The following DOP1B variants were observed in gnomAD, a reference collection of about 807,000 sequenced individuals.
DOP1B encodes the protein protein DOP1B.
Under a neutral mutation model 233.5 loss-of-function variants are expected in DOP1B, and 174 were observed. The ratio of observed to expected loss-of-function variants is 0.75; its 90% CI spans 0.66 to 0.85. The LOEUF (loss-of-function observed/expected upper bound fraction) is 0.85, where lower values mean the gene tolerates loss of function less well. Ranked by LOEUF, DOP1B falls within the 40% of genes least tolerant of loss-of-function variation. The probability of loss-of-function intolerance (pLI) is 0.00; values close to 1 mark genes in which losing one functional copy is unlikely to be tolerated. For missense variants in DOP1B, 2,652 were observed against 2,846.6 expected (o/e 0.93, Z 1.56); for synonymous variants, 1,190 against 1,185.6 (o/e 1.00, Z -0.08).
At chr21:36,259,603 G>A (rs961635440) in intron 23 of DOP1B, among the ~76,000 whole-genome samples, 3 of 152,142 alleles carry the variant, frequency 2.0e-5, no homozygotes, top group Non-Finnish European at 4.4e-5. Context: ...AATGTTAGGA[G>A]TGGGAATGGT....
At chr21:36,192,799 TGCCTCA>T (rs1432697084) in intron 2 of DOP1B, among the ~76,000 whole-genome samples, 1 of 152,066 alleles carries the variant, frequency 6.6e-6, no homozygotes, top group Non-Finnish European at 1.5e-5. Flanking sequence ...ACCATTCTCC[TGCCTCA>T]GCCTCCCGAG....
intron 5 of DOP1B, 135 bp downstream of exon 5, chr21:36,209,039 G>C: frequency 9.7e-7 from 1 of 1,032,848 alleles, no homozygotes; most frequent in Non-Finnish European, 1.3e-6. Flanking sequence ...TCTGGGTAAC[G>C]AACGGCTGAG....
intron 10 of DOP1B, among the ~76,000 whole-genome samples, chr21:36,222,167 C>T (rs1388232062): frequency 1.3e-5 from 2 of 152,018 alleles, no homozygotes; most frequent in South Asian, 2.1e-4. Context: ...CTACCACACC[C>T]GGCCTTTTTC....
In DOP1B at chr21:36,239,941, A is replaced by G. The variant is rs1422807211; in HGVS notation, c.3053A>G (p.Gln1018Arg). ...AGAACCTCCATCCACTGCCTCAAGC[A>G]GGAGAACTCGGCCGGTGAGCAGCCT... ...TQRTSIHCLK[Q>R]ENSADDLHRW... Residue 1018 changes from glutamine (Q) to arginine (R), a missense_variant, in exon 18 of 37, where the codon CAG (glutamine) becomes CGG (arginine). Around this residue, in one of 3 missense-constraint regions of DOP1B, gnomAD observed 2,617 missense variants for 2,794.3 expected, o/e 0.94. Coordinates refer to ENST00000691173, the MANE Select transcript of DOP1B (RefSeq NM_001320714.2). The G allele has an allele frequency of 6.2e-7, 1 of 1,610,008 alleles. No individual in the cohort carries two copies. The highest frequency in any genetic ancestry group is 8.5e-7 in the Non-Finnish European group (1 of 1,179,300).
intron 2 of DOP1B, among the ~76,000 whole-genome samples, chr21:36,185,242 A>C (rs1225047712): frequency 6.6e-6 from 1 of 152,188 alleles, no homozygotes. Flanking sequence ...TGATAAATGC[A>C]TAAGAATGGC....
At chr21:36,189,613 G>A (rs1276309495) in intron 2 of DOP1B, among the ~76,000 whole-genome samples, 1 of 152,162 alleles carries the variant, frequency 6.6e-6, no homozygotes, top group African/African-American at 2.4e-5. Flanking sequence ...TGGAGGCTGA[G>A]GCAGCAGAAT....
At chr21:36,212,589 G>A (rs1288667913) in intron 7 of DOP1B, among the ~76,000 whole-genome samples, 1 of 152,202 alleles carries the variant, frequency 6.6e-6, no homozygotes, top group East Asian at 1.9e-4. Flanking sequence ...TGTGTGGACT[G>A]CCTATAAATT....
Position 36,278,347 on chromosome 21 carries a change from C to T in DOP1B, c.5961C>T (p.Ser1987=). The change falls in exon 30 of 37, where the codon TCC becomes TCT. Residue 1987 remains serine, a synonymous_variant. Coordinates refer to ENST00000691173, the MANE Select transcript of DOP1B (RefSeq NM_001320714.2). ...LDPAFFQMDT[S]CVHWKSIIDH... is the part of the protein sequence containing the mutation. ...CCGCTTTCTTTCAGATGGATACTTC[C>T]TGTGTTCAGTAAGATATGCTGTCCT... 1.9e-6 allele frequency: 3 copies of T among 1,612,234 alleles called. No homozygotes were observed. The highest frequency in any genetic ancestry group is 2.5e-6 in the Non-Finnish European group (3 of 1,179,694).
intron 2 of DOP1B, among the ~76,000 whole-genome samples, chr21:36,181,791 G>C (rs75103736): frequency 6.6e-6 from 1 of 151,384 alleles, no homozygotes; most frequent in Admixed American, 6.6e-5. Flanking sequence ...GAAGGGAGCC[G>C]TGATTTGGGT....
intron 3 of DOP1B, among the ~76,000 whole-genome samples, 186 bp downstream of exon 3, chr21:36,199,437 T>G (rs910779414): frequency 1.5e-5 from 2 of 135,072 alleles, no homozygotes; most frequent in Non-Finnish European, 1.6e-5. Context: ...AACTTTGCTT[T>G]CTTTCTTTTT....
intron 2 of DOP1B, among the ~76,000 whole-genome samples, chr21:36,176,019 AC>A (rs2066020195): frequency 6.6e-6 from 1 of 151,654 alleles, no homozygotes; most frequent in South Asian, 2.1e-4. Flanking sequence ...TTGTGGAGGA[AC>A]AGAGGAAGTG....
chr21:36,203,065 G>A (rs1274106686), intron 4 of DOP1B, among the ~76,000 whole-genome samples: 6 of 152,206 alleles, frequency 3.9e-5, no homozygotes, highest in Admixed American at 2.0e-4. Context: ...GTAAATAGTT[G>A]GAGTGTTTTT....
chr21:36,225,508 G>C, intron 11 of DOP1B, 57 bp from the exon 12 acceptor site: 2 of 1,591,598 alleles, frequency 1.3e-6, no homozygotes, highest in Non-Finnish European at 1.7e-6. Flanking sequence ...TAAGATTATA[G>C]GTGTGAGCCT....
chr21:36,164,907 G>A, intron 2 of DOP1B, 36 bp downstream of exon 2: 2 of 1,441,214 alleles, frequency 1.4e-6, no homozygotes, highest in East Asian at 2.6e-5. Context: ...TTGCATGGAG[G>A]TGGGGACGTA....
intron 2 of DOP1B, chr21:36,169,199 T>C (rs761535223): frequency 9.6e-7 from 1 of 1,043,108 alleles, no homozygotes; most frequent in East Asian, 2.4e-5. Flanking sequence ...AACAGAGTTA[T>C]TGGTCACTTC....
At chr21:36,237,495 C>A (rs989762302) in intron 16 of DOP1B, 81 bp downstream of exon 16, 6 of 1,551,072 alleles carry the variant, frequency 3.9e-6, no homozygotes, top group Non-Finnish European at 4.4e-6. Flanking sequence ...GACATCCATT[C>A]GGTCGAAGTC....
At chr21:36,211,741 T>C (rs2066500844) in intron 6 of DOP1B, 90 bp downstream of exon 6, 1 of 1,408,280 alleles carries the variant, frequency 7.1e-7, no homozygotes, top group Non-Finnish European at 9.9e-7. Flanking sequence ...CGAGGACAGC[T>C]CAGCCACTCA....
intron 2 of DOP1B, among the ~76,000 whole-genome samples, chr21:36,187,495 C>T (rs1003795142): frequency 6.6e-5 from 10 of 152,120 alleles, no homozygotes; most frequent in Non-Finnish European, 1.3e-4. Context: ...TGGGGTTTCA[C>T]TATGTTGGCT....
chr21:36,237,382 A>T lies in DOP1B; in HGVS notation c.2743A>T (p.Ile915Phe). Residue 915 changes from isoleucine to phenylalanine, a missense_variant, in exon 16 of 37, where the codon ATC becomes TTC. Ile to Phe is a conservative substitution (Grantham distance 21). Around this residue, in one of 3 missense-constraint regions of DOP1B, gnomAD observed 2,617 missense variants for 2,794.3 expected, o/e 0.94. Transcript: ENST00000691173. ...CCCTACGGCCAACATCTGCGAGGAC[A>T]TCATCTGCCATGCCCTCCTGGACCC... is the stretch of plus-strand genomic sequence containing the variant. ...LAPTANICED[I>F]ICHALLDPDK... The T allele has an allele frequency of 6.2e-7, 1 of 1,614,148 alleles. No individual in the cohort carries two copies. Among genetic ancestry groups the T allele is most frequent in the Non-Finnish European group, 8.5e-7 (1 of 1,180,028 alleles).
Sources: allele counts gnomAD v4.1 joint callset (sites outside exome capture counted in the v4.1 genomes callset), GRCh38; gene constraint gnomAD v4.1.1; regional missense constraint gnomAD v4.1.1; transcripts MANE v1.5; gene names NCBI Gene and HGNC (gene_info 2026-07-23, HGNC 2026-07-21).